The following DHRSX variants were observed in gnomAD, a reference collection of about 807,000 sequenced individuals.
DHRSX encodes the protein dehydrogenase/reductase X-linked.
A neutral mutation model predicts 34.0 loss-of-function variants in DHRSX; 31 were observed. The ratio of observed to expected loss-of-function variants is 0.91; its 90% CI spans 0.69 to 1.23. DHRSX has a LOEUF of 1.23. DHRSX is among the 50% of genes most tolerant of loss of function. DHRSX has a pLI of 0.00. For synonymous variants in DHRSX, 201 were observed against 183.8 expected, an observed-to-expected ratio of 1.09 and a Z score of -0.76; for missense variants, 414 against 428.1, an observed-to-expected ratio of 0.97 and a Z score of 0.29.
chrX:2,448,345 T>C, intron 1 of DHRSX, among the ~76,000 whole-genome samples: 1 of 151,928 alleles, frequency 6.6e-6, no homozygotes, highest in Non-Finnish European at 1.5e-5. Flanking sequence ...AAATATAAAT[T>C]ACATTAAAAT....
chrX:2,451,148 G>A (rs191969352), intron 1 of DHRSX, among the ~76,000 whole-genome samples: 3 of 151,720 alleles, frequency 2.0e-5, no homozygotes, highest in African/African-American at 7.3e-5. Flanking sequence ...CAGGAGAATC[G>A]CTTGAACCCG....
At position 2,430,346 on chromosome X, in the gene DHRSX, C is replaced by T. The variant is rs1032999009; in HGVS notation, c.110-5042G>A. On this transcript the variant is annotated intron_variant, in intron 1 of 6. Transcript: ENST00000334651. The stretch of plus-strand genomic sequence containing the variant: ...CTAGAAGAGTTTAGTGTTTTCCTTA[C>T]GGACCAGGAAGCTGGCATTGGGGCT... Among the ~76,000 whole-genome samples, 5 of 151,678 alleles carry T rather than the reference C, an allele frequency of 3.3e-5. No homozygotes were observed. In the South Asian group the frequency reaches 6.2e-4, roughly 19 times the overall value.
intron 3 of DHRSX, among the ~76,000 whole-genome samples, chrX:2,328,734 G>A (rs1441150937): frequency 1.3e-5 from 2 of 152,152 alleles, no homozygotes; most frequent in Non-Finnish European, 2.9e-5. Flanking sequence ...CTGTTTAAGC[G>A]GCCCAGCCTG....
intron 6 of DHRSX, among the ~76,000 whole-genome samples, chrX:2,230,534 G>A (rs901417498): frequency 2.6e-5 from 4 of 152,204 alleles, no homozygotes; most frequent in African/African-American, 4.8e-5. Context: ...CTGGGCTATG[G>A]TGCCCAGACA....
rs753626623 is a variant in DHRSX, at chrX:2,242,779, T to C, written c.804+244A>G. On this transcript the variant is annotated intron_variant, in intron 6 of 6. Coordinates refer to ENST00000334651, the MANE Select transcript of DHRSX (RefSeq NM_145177.3). ...TGAATAATCCCCCCCTCGTTTAGCA[T>C]ATCATCAAGAAATCACCGTAAAAAT... Among the ~76,000 whole-genome samples, 5 of 152,152 alleles carry C rather than the reference T, an allele frequency of 3.3e-5. No individual in the cohort carries two copies. The East Asian group carries it at 9.7e-4, about 29-fold the overall frequency.
At chrX:2,282,745 GGA>G (rs771496204) in intron 4 of DHRSX, among the ~76,000 whole-genome samples, 16 of 141,476 alleles carry the variant, frequency 1.1e-4, no homozygotes, top group East Asian at 2.3e-4. Context: ...AGGGAGAATG[GGA>G]GAGAGAGAAG....
At chrX:2,433,285 G>C (rs755371245) in intron 1 of DHRSX, among the ~76,000 whole-genome samples, 1 of 152,120 alleles carries the variant, frequency 6.6e-6, no homozygotes, top group African/African-American at 2.4e-5. Flanking sequence ...ACAAAGAAAA[G>C]GGCAAAAATA....
chrX:2,320,888 C>A (rs73628299), intron 3 of DHRSX, among the ~76,000 whole-genome samples: 4 of 151,388 alleles, frequency 2.6e-5, no homozygotes, highest in South Asian at 4.1e-4. Flanking sequence ...CATGACGTGT[C>A]GGTCCACGTA....
rs1451388355 is a variant in DHRSX, at chrX:2,226,726, C to T, written c.805-5497G>A. On this transcript the variant is annotated intron_variant, in intron 6 of 6. Coordinates refer to ENST00000334651, the MANE Select transcript of DHRSX (RefSeq NM_145177.3). ...AGGAGAATGGCGTGAACCCGGGAGG[C>T]GGGGCTTGCAGTGAGCCGAGATGGC... is the stretch of plus-strand genomic sequence containing the variant. 4.0e-5 allele frequency among the ~76,000 whole-genome samples: 6 copies of T among 151,470 alleles called. No individual in the cohort carries two copies. In the South Asian group the frequency reaches 6.2e-4, roughly 16 times the overall value.
At chrX:2,300,094 G>A (rs771048761) in intron 3 of DHRSX, among the ~76,000 whole-genome samples, 11 of 152,238 alleles carry the variant, frequency 7.2e-5, no homozygotes, top group South Asian at 2.1e-4. Flanking sequence ...TCTTCTTTGC[G>A]ATAGAGAACA....
At chrX:2,476,863 G>T (rs898824740) in intron 1 of DHRSX, among the ~76,000 whole-genome samples, 2 of 151,992 alleles carry the variant, frequency 1.3e-5, no homozygotes, top group African/African-American at 4.8e-5. Flanking sequence ...TTAGCCGGGT[G>T]TGGTAGTGCA....
rs1556466908 is a variant in DHRSX at position 2,314,483 on chromosome X, A to AAGGG, written c.287-22881_287-22880insCCCT. Among the ~76,000 whole-genome samples the AAGGG allele has an allele frequency of 6.5e-4, 30 of 46,036 alleles. 1 individual carries two copies. Among genetic ancestry groups the AAGGG allele is most frequent in the South Asian group, 1.2e-3 (2 of 1,652 alleles). 30.2% of individuals were successfully genotyped at this position (46,036 alleles called of 152,430 possible). ...GAAGGAAGGGGAGAAGGAAGGAAGG[A>AAGGG]AGGAAGGGAGGTAAAGGAGGTAAGG... On this transcript the variant is annotated intron_variant, in intron 3 of 6. Transcript: ENST00000334651.
At chrX:2,479,698 A>G (rs941064779) in intron 1 of DHRSX, among the ~76,000 whole-genome samples, 4 of 151,628 alleles carry the variant, frequency 2.6e-5, no homozygotes, top group African/African-American at 9.7e-5. Context: ...CACTGAAGAC[A>G]TTCCCTAAGA....
intron 3 of DHRSX, among the ~76,000 whole-genome samples, chrX:2,328,550 A>C (rs1207043303): frequency 1.1e-4 from 17 of 150,378 alleles, no homozygotes. Context: ...GGACTAAGAC[A>C]CCTCATAAGA....
chrX:2,315,689 G>C (rs1040947930), intron 3 of DHRSX, among the ~76,000 whole-genome samples: 6 of 152,090 alleles, frequency 3.9e-5, no homozygotes, highest in African/African-American at 1.4e-4. Flanking sequence ...TCACAGTTCT[G>C]TAAGTCAGAA....
At chrX:2,436,261 G>A (rs1355830091) in intron 1 of DHRSX, among the ~76,000 whole-genome samples, 4 of 151,726 alleles carry the variant, frequency 2.6e-5, no homozygotes, top group African/African-American at 9.7e-5. Context: ...AAAACTATGT[G>A]TTTTATGATT....
At chrX:2,393,733 T>G (rs1482322867) in intron 3 of DHRSX, among the ~76,000 whole-genome samples, 5 of 73,828 alleles carry the variant, frequency 6.8e-5, no homozygotes, top group African/African-American at 2.0e-4. Flanking sequence ...CCCCGTCTCC[T>G]GCACACACGA....
Position 2,221,086 on chromosome X carries a change from C to A in DHRSX, c.948G>T (p.Trp316Cys), listed in dbSNP as rs2015509187. 6.2e-7 allele frequency: 1 copy of A among 1,613,788 alleles called. No homozygotes were observed. Among genetic ancestry groups the A allele is most frequent in the Non-Finnish European group, 8.5e-7 (1 of 1,179,862 alleles). Residue 316 changes from tryptophan (W) to cysteine (C), a missense_variant, in exon 7 of 7, where the codon TGG becomes TGT. Trp to Cys is a radical substitution (Grantham distance 215, BLOSUM62 -2). Coordinates refer to ENST00000334651, the MANE Select transcript of DHRSX (RefSeq NM_145177.3). Reference sequence around the variant, plus strand: ...CCCCAGTCATCTCACAACTCTTAGACCACAGCTGCTGCTGCAGTTTCTGGT... The same window carrying A: ...CCCCAGTCATCTCACAACTCTTAGAACACAGCTGCTGCTGCAGTTTCTGGT... Reference protein sequence around the residue: ...TYNQKLQQQLWSKSCEMTGVL... With the variant: ...TYNQKLQQQLCSKSCEMTGVL...
At chrX:2,341,513 T>C (rs2042639677) in intron 3 of DHRSX, among the ~76,000 whole-genome samples, 1 of 152,204 alleles carries the variant, frequency 6.6e-6, no homozygotes, top group Non-Finnish European at 1.5e-5. Context: ...TCCTCTTCCG[T>C]CTCTTACAAG....
Sources: gnomAD v4.1 joint callset for allele counts (sites outside exome capture counted in the v4.1 genomes callset) on GRCh38, gnomAD v4.1.1 for gene constraint, MANE v1.5 for transcripts, NCBI Gene and HGNC (gene_info 2026-07-23, HGNC 2026-07-21) for gene names.